ZSCAN26: variants seen among roughly 807,000 people sequenced by gnomAD.
ZSCAN26 encodes zinc finger and SCAN domain containing 26.
A neutral mutation model predicts 23.0 loss-of-function variants in ZSCAN26; 26 were observed. The observed-to-expected ratio is 1.13, with a 90% confidence interval of 0.83 to 1.57. ZSCAN26 has a LOEUF of 1.57. Ranked by LOEUF, ZSCAN26 falls within the 40% of genes most tolerant of loss-of-function variation. The pLI is 0.00. For missense variants in ZSCAN26, 528 were observed against 568.5 expected (o/e 0.93, Z 0.72); for synonymous variants, 180 against 202.5 (o/e 0.89, Z 0.94).
Position 28,271,965 on chromosome 6 carries a change from C to T in ZSCAN26, c.46C>T (p.Leu16=), listed in dbSNP as rs1283484804. The change falls in exon 2 of 4, where the codon CTG becomes TTG. Residue 16 remains leucine (L), a synonymous_variant. Coordinates refer to ENST00000421553, the MANE Select transcript of ZSCAN26 (RefSeq NM_001023560.4). ...VSAHSLAPLN[L]KKEGLRVVRE... ...TGCCCATTCCCTGGCTCCCCTGAATCTGAAGAAGGAGGGGCTTCGGGTAGT... is the reference window on the plus strand; with the variant it reads ...TGCCCATTCCCTGGCTCCCCTGAATTTGAAGAAGGAGGGGCTTCGGGTAGT... The T allele has an allele frequency of 6.4e-7, 1 of 1,551,646 alleles. No individual in the cohort carries two copies. Among genetic ancestry groups the T allele is most frequent in the Non-Finnish European group, 8.7e-7 (1 of 1,146,972 alleles).
rs1561880299 is a variant in ZSCAN26, at chr6:28,277,584, C to G, written c.*488C>G. ...TACAGGTTAATGGTGAACATTTTCCCCCAGTGGCTTCACCTCATTCCTCCC... is the reference window on the plus strand; with the variant it reads ...TACAGGTTAATGGTGAACATTTTCCGCCAGTGGCTTCACCTCATTCCTCCC... On this transcript the variant is annotated 3_prime_UTR_variant, in exon 4 of 4. Coordinates refer to ENST00000421553, the MANE Select transcript of ZSCAN26 (RefSeq NM_001023560.4). 1 of 152,806 alleles carries G rather than the reference C, an allele frequency of 6.5e-6. No individual in the cohort carries two copies. Among genetic ancestry groups the G allele is most frequent in the Non-Finnish European group, 1.5e-5 (1 of 68,494 alleles). The allele number at this position is 152,806 out of a possible 1,614,324, so 9.5% of individuals were successfully genotyped here.
chr6:28,268,587 C>T (rs1439434589), intron 1 of ZSCAN26, among the ~76,000 whole-genome samples: 1 of 151,920 alleles, frequency 6.6e-6, no homozygotes, highest in East Asian at 1.9e-4. Context: ...TAGGAGAAGA[C>T]AATGGCAAAG....
chr6:28,277,060 A>T lies in ZSCAN26; in HGVS notation c.1404A>T (p.Gln468His). The change falls in exon 4 of 4, where the codon CAA (glutamine) becomes CAT (histidine). Residue 468 changes from glutamine (Q) to histidine (H), a missense_variant. Physicochemically the swap from Gln to His is conservative, Grantham distance 24 (BLOSUM62 0). Coordinates refer to ENST00000421553, the MANE Select transcript of ZSCAN26 (RefSeq NM_001023560.4). ...TCAGGCAAAGGTCAGGTCTTTTTCA[A>T]CATCAGAGATATCACCACAAAGACA... ...EAFRQRSGLF[Q>H]HQRYHHKDKL... The T allele has an allele frequency of 6.2e-7, 1 of 1,613,792 alleles. No homozygotes were observed. The highest frequency in any genetic ancestry group is 8.5e-7 in the Non-Finnish European group (1 of 1,179,832).
At position 28,277,219 on chromosome 6, in the gene ZSCAN26, C is replaced by A; in HGVS notation, c.*123C>A. Reference sequence around the variant, plus strand: ...TTCTTGGGGGCTGAGTTGGAGGCTCCCTGCCTCTATTCTCTCTCCTTTGCT... The same window carrying A: ...TTCTTGGGGGCTGAGTTGGAGGCTCACTGCCTCTATTCTCTCTCCTTTGCT... On this transcript the variant is annotated 3_prime_UTR_variant, in exon 4 of 4. Transcript: ENST00000421553. The A allele has an allele frequency of 1.1e-6, 1 of 941,538 alleles. No homozygotes were observed. Among genetic ancestry groups the A allele is most frequent in the Non-Finnish European group, 1.6e-6 (1 of 630,108 alleles). 58.3% of individuals were successfully genotyped at this position (941,538 alleles called of 1,614,324 possible). A position where few individuals can be genotyped will look rare whatever the true frequency, so the allele number is the denominator to read the frequency against.
rs1194704075 is a variant in ZSCAN26, at chr6:28,277,148, C to G, written c.*52C>G. 3.2e-6 allele frequency: 5 copies of G among 1,548,772 alleles called. No individual in the cohort carries two copies. Among genetic ancestry groups the G allele is most frequent in the African/African-American group, 1.4e-5 (1 of 72,856 alleles). ...CAGAGAAGGCACATTGACTAGCAAA[C>G]AGCACTTTAGGAAAAGTCACCGTAG... On this transcript the variant is annotated 3_prime_UTR_variant, in exon 4 of 4. Coordinates refer to ENST00000421553, the MANE Select transcript of ZSCAN26 (RefSeq NM_001023560.4).
At position 28,271,931 on chromosome 6, in the gene ZSCAN26, A is replaced by G; in HGVS notation, c.12A>G (p.Ala4=). 1 of 1,551,068 alleles carries G rather than the reference A, an allele frequency of 6.4e-7. No homozygotes were observed. Among genetic ancestry groups the G allele is most frequent in the Non-Finnish European group, 8.7e-7 (1 of 1,146,642 alleles). The change falls in exon 2 of 4, where the codon GCA becomes GCG. Residue 4 remains alanine (A), a synonymous_variant. Transcript: ENST00000421553. ...GTCTGAAGCTGGGGATGGCAACAGC[A>G]TTGGTGAGTGCCCATTCCCTGGCTC... The part of the protein sequence containing the change: MAT[A]LVSAHSLAPL...
intron 1 of ZSCAN26, among the ~76,000 whole-genome samples, chr6:28,269,777 G>C (rs888191219): frequency 3.9e-5 from 6 of 152,198 alleles, no homozygotes; most frequent in Non-Finnish European, 4.4e-5. Context: ...ATGGAGGGCA[G>C]TCTGTTTTAG....
At position 28,272,055 on chromosome 6, in the gene ZSCAN26, G is replaced by T; in HGVS notation, c.136G>T (p.Gly46Ter). Residue 46 changes from glycine (G) to a stop codon, truncating the protein, a stop_gained, in exon 2 of 4, where the codon GGA becomes TGA. Coordinates refer to ENST00000421553, the MANE Select transcript of ZSCAN26 (RefSeq NM_001023560.4). LOFTEE classifies it high-confidence loss of function. ...GCTGCAAGGAAACAGTAAAGGCCTT[G>T]GACAGGAGCCATTGTGCAAACAATT... ...FKLQGNSKGL[G>*]QEPLCKQFRQ... The T allele has an allele frequency of 6.4e-7, 1 of 1,555,112 alleles. No individual in the cohort carries two copies. The highest frequency in any genetic ancestry group is 8.7e-7 in the Non-Finnish European group (1 of 1,148,830).
rs191659121 is a variant in ZSCAN26, at chr6:28,269,289, A to G, written c.-67+2076A>G. The stretch of plus-strand genomic sequence containing the variant: ...TATAATAATATGAATACAGGTATAT[A>G]TAAAAAATACGAATACAGGTATATA... On this transcript the variant is annotated intron_variant, in intron 1 of 3. Coordinates refer to ENST00000421553, the MANE Select transcript of ZSCAN26 (RefSeq NM_001023560.4). 5.1e-4 allele frequency among the ~76,000 whole-genome samples: 77 copies of G among 152,306 alleles called. 1 individual carries two copies. In the East Asian group the frequency reaches 0.013, roughly 25 times the overall value.
At chr6:28,269,925 A>G (rs1291896737) in intron 1 of ZSCAN26, among the ~76,000 whole-genome samples, 1 of 152,046 alleles carries the variant, frequency 6.6e-6, no homozygotes, top group African/African-American at 2.4e-5. Context: ...TACAATACCA[A>G]TCTTTTATTT....
intron 1 of ZSCAN26, among the ~76,000 whole-genome samples, chr6:28,269,195 T>C (rs947334145): frequency 2.0e-5 from 3 of 151,994 alleles, no homozygotes; most frequent in Non-Finnish European, 4.4e-5. Context: ...AATACTGATA[T>C]AGATACCAGT....
At chr6:28,270,289 CA>C (rs1761628773) in intron 1 of ZSCAN26, among the ~76,000 whole-genome samples, 1 of 152,108 alleles carries the variant, frequency 6.6e-6, no homozygotes, top group African/African-American at 2.4e-5. Flanking sequence ...TATATAACAG[CA>C]AACTGTTTGG....
In ZSCAN26 at chr6:28,272,358, C is replaced by T. The variant is rs1206427189; in HGVS notation, c.420+19C>T. 5 of 1,479,568 alleles carry T rather than the reference C, an allele frequency of 3.4e-6. No homozygotes were observed. Among genetic ancestry groups the T allele is most frequent in the Non-Finnish European group, 4.5e-6 (5 of 1,113,864 alleles). 91.7% of individuals were successfully genotyped at this position (1,479,568 alleles called of 1,614,324 possible). A position where few individuals can be genotyped will look rare whatever the true frequency, so the allele number is the denominator to read the frequency against. The stretch of plus-strand genomic sequence containing the variant: ...ACAGGTGGTAAGGGTCAGATGTGCT[C>T]TTTTTCAGGAATGCAGGAATTGAGA... On this transcript the variant is annotated intron_variant, in intron 2 of 3. Coordinates refer to ENST00000421553, the MANE Select transcript of ZSCAN26 (RefSeq NM_001023560.4).
rs1762005660 is a variant in ZSCAN26 at position 28,277,611 on chromosome 6, C to T, written c.*515C>T. 1 of 152,618 alleles carries T rather than the reference C, an allele frequency of 6.6e-6. No homozygotes were observed. Among genetic ancestry groups the T allele is most frequent in the African/African-American group, 2.4e-5 (1 of 41,474 alleles). 9.5% of individuals were successfully genotyped at this position (152,618 alleles called of 1,614,324 possible). ...CAGTGGCTTCACCTCATTCCTCCCA[C>T]TGGCCTTACCCCTTCCTTCCCCAGT... On this transcript the variant is annotated 3_prime_UTR_variant, in exon 4 of 4. Transcript: ENST00000421553.
intron 3 of ZSCAN26, 77 bp downstream of exon 3, chr6:28,272,864 C>G: frequency 8.2e-7 from 1 of 1,224,182 alleles, no homozygotes; most frequent in African/African-American, 1.5e-5. Flanking sequence ...GCTTAGCACC[C>G]TTGTATTTTG....
Position 28,277,218 on chromosome 6 carries a change from C to G in ZSCAN26, c.*122C>G, listed in dbSNP as rs1437742810. The G allele has an allele frequency of 2.7e-5, 26 of 950,168 alleles. No homozygotes were observed. Among genetic ancestry groups the G allele is most frequent in the Non-Finnish European group, 3.9e-5 (25 of 637,706 alleles). The allele number at this position is 950,168 out of a possible 1,614,324, so 58.9% of individuals were successfully genotyped here. A position where few individuals can be genotyped will look rare whatever the true frequency, so the allele number is the denominator to read the frequency against. On this transcript the variant is annotated 3_prime_UTR_variant, in exon 4 of 4. Coordinates refer to ENST00000421553, the MANE Select transcript of ZSCAN26 (RefSeq NM_001023560.4). Reference sequence around the variant, plus strand: ...ATTCTTGGGGGCTGAGTTGGAGGCTCCCTGCCTCTATTCTCTCTCCTTTGC... The same window carrying G: ...ATTCTTGGGGGCTGAGTTGGAGGCTGCCTGCCTCTATTCTCTCTCCTTTGC...
At chr6:28,269,573 G>A (rs1761597774) in intron 1 of ZSCAN26, among the ~76,000 whole-genome samples, 2 of 152,144 alleles carry the variant, frequency 1.3e-5, no homozygotes, top group Admixed American at 1.3e-4. Flanking sequence ...GAGAGCTGAT[G>A]GTGTAGTTCC....
chr6:28,276,318 G>A lies in ZSCAN26; in HGVS notation c.662G>A (p.Arg221Lys), dbSNP rs1761930691. Residue 221 changes from arginine (R) to lysine (K), a missense_variant, in exon 4 of 4, where the codon AGG becomes AAG. Physicochemically the swap from Arg to Lys is conservative, Grantham distance 26. Coordinates refer to ENST00000421553, the MANE Select transcript of ZSCAN26 (RefSeq NM_001023560.4). ...CATAATGAGGGCTCTAACTTGGAAA[G>A]GCATCAGGCCAAGCCCAAAGAGAAG... ...EAHNEGSNLE[R>K]HQAKPKEKIE... is the part of the protein sequence containing the mutation. 6.2e-7 allele frequency: 1 copy of A among 1,613,956 alleles called. No individual in the cohort carries two copies. Among genetic ancestry groups the A allele is most frequent in the South Asian group, 1.1e-5 (1 of 91,080 alleles).
At chr6:28,272,619 C>A in intron 2 of ZSCAN26, 51 bp from the exon 3 acceptor site, 1 of 1,465,132 alleles carries the variant, frequency 6.8e-7, no homozygotes, top group South Asian at 1.2e-5. Context: ...ACAGCAGTTT[C>A]CTAAACCCAC....
Sources: gnomAD v4.1 joint callset for allele counts (sites outside exome capture counted in the v4.1 genomes callset) on GRCh38, gnomAD v4.1.1 for gene constraint, MANE v1.5 for transcripts, NCBI Gene and HGNC (gene_info 2026-07-23, HGNC 2026-07-21) for gene names.